Variants in DSG4 observed in about 807,000 individuals in gnomAD.
DSG4 encodes the protein desmoglein 4, also known as desmoglein-4.
DSG4 carries 87 observed loss-of-function variants against 93.1 expected under a neutral mutation model. That is an observed-to-expected ratio of 0.93 (90% CI 0.79 to 1.12). The LOEUF (loss-of-function observed/expected upper bound fraction) is 1.12, where lower values mean the gene tolerates loss of function less well. Ranked by LOEUF, DSG4 falls within the 50% of genes most tolerant of loss-of-function variation. The probability of loss-of-function intolerance (pLI) is 0.00; values close to 1 mark genes in which losing one functional copy is unlikely to be tolerated. For synonymous variants in DSG4, 432 were observed against 452.9 expected, an observed-to-expected ratio of 0.95 and a Z score of 0.59; for missense variants, 1,373 against 1,285.7, an observed-to-expected ratio of 1.07 and a Z score of -1.04.
Position 31,387,650 on chromosome 18 carries a change from G to C in DSG4, c.217-717G>C, listed in dbSNP as rs150010533. On this transcript the variant is annotated intron_variant, in intron 3 of 15. Coordinates refer to ENST00000308128, the MANE Select transcript of DSG4 (RefSeq NM_177986.5). ...TTTCTTCTATGTAAAAAGGGCCTTT[G>C]GATTAGAGTTAAGCTAACCAAAGTT... 5.9e-5 allele frequency among the ~76,000 whole-genome samples: 9 copies of C among 152,208 alleles called. No individual in the cohort carries two copies. The East Asian group carries it at 1.7e-3, about 29-fold the overall frequency.
In DSG4 at chr18:31,386,685, A is replaced by G. The variant is rs899875809; in HGVS notation, c.85-3A>G. 4 of 1,612,862 alleles carry G rather than the reference A, an allele frequency of 2.5e-6. No individual in the cohort carries two copies. In the African/African-American group the frequency reaches 5.3e-5, roughly 22 times the overall value. The stretch of plus-strand genomic sequence containing the variant: ...TAAGACACCTGAACCATTTTTGCTT[A>G]AGGTGAAGGAATTTGACATTGAAAA... On this transcript the variant is annotated splice_region_variant and splice_polypyrimidine_tract_variant and intron_variant, in intron 2 of 15. Transcript: ENST00000308128.
In DSG4 at chr18:31,391,118, G is replaced by A. The variant is rs750068426; in HGVS notation, c.725G>A (p.Arg242Gln). The change falls in exon 7 of 16, where the codon CGG becomes CAG. Residue 242 changes from arginine to glutamine, a missense_variant. Coordinates refer to ENST00000308128, the MANE Select transcript of DSG4 (RefSeq NM_177986.5). The stretch of plus-strand genomic sequence containing the variant: ...AACCTGGTTGTGAGAGGCTCAGATC[G>A]GGATGGAGCTGCAGATGGACTGTCT... ...MYNLVVRGSD[R>Q]DGAADGLSSE... 17 of 1,613,624 alleles carry A rather than the reference G, an allele frequency of 1.1e-5. No individual in the cohort carries two copies. Among genetic ancestry groups the A allele is most frequent in the East Asian group, 8.9e-5 (4 of 44,878 alleles).
Position 31,413,106 on chromosome 18 carries a change from T to C in DSG4, c.2634T>C (p.Asn878=). 1 of 1,614,164 alleles carries C rather than the reference T, an allele frequency of 6.2e-7. No individual in the cohort carries two copies. Residue 878 remains asparagine, a synonymous_variant, in exon 16 of 16, where the codon AAT becomes AAC. Coordinates refer to ENST00000308128, the MANE Select transcript of DSG4 (RefSeq NM_177986.5). ...LPLLGPNYFV[N]ESSGLTPSEV... Reference sequence around the variant, plus strand: ...TGCTCGGACCTAATTACTTTGTTAATGAATCTTCAGGATTGACTCCCTCAG... The same window carrying C: ...TGCTCGGACCTAATTACTTTGTTAACGAATCTTCAGGATTGACTCCCTCAG...
At chr18:31,384,228 A>G (rs1160801036) in intron 1 of DSG4, among the ~76,000 whole-genome samples, 1 of 152,160 alleles carries the variant, frequency 6.6e-6, no homozygotes, top group East Asian at 1.9e-4. Flanking sequence ...ATAAAGTTTT[A>G]CTTTTCATAT....
chr18:31,407,623 G>T (rs574169327), intron 12 of DSG4, among the ~76,000 whole-genome samples: 1 of 152,304 alleles, frequency 6.6e-6, no homozygotes, highest in South Asian at 2.1e-4. Context: ...TCAGGGATGA[G>T]CACTAATTAA....
chr18:31,412,787 GA>G (rs754354384), intron 15 of DSG4, 40 bp from the exon 16 acceptor site: 1 of 1,609,060 alleles, frequency 6.2e-7, no homozygotes, highest in East Asian at 2.2e-5. Context: ...TTATTTTAGG[GA>G]AAAAGAAATT....
In DSG4 at chr18:31,387,112, A is replaced by G. The variant is rs139797719; in HGVS notation, c.216+293A>G. ...TGCCTGTCAATGTCATAGGAAACGTATTCACATAGTGACAGTCTGAAGCCT... is the reference window on the plus strand; with the variant it reads ...TGCCTGTCAATGTCATAGGAAACGTGTTCACATAGTGACAGTCTGAAGCCT... On this transcript the variant is annotated intron_variant, in intron 3 of 15. Transcript: ENST00000308128. Among the ~76,000 whole-genome samples, 461 of 152,294 alleles carry G rather than the reference A, an allele frequency of 3.0e-3. 4 individuals are homozygous for G. Among genetic ancestry groups the G allele is most frequent in the African/African-American group, 0.01 (436 of 41,562 alleles).
chr18:31,381,156 A>C (rs2072129891), intron 1 of DSG4, among the ~76,000 whole-genome samples: 1 of 152,166 alleles, frequency 6.6e-6, no homozygotes, highest in Non-Finnish European at 1.5e-5. Context: ...TTTCTTACCA[A>C]GTCACTTAAT....
In DSG4 at chr18:31,413,417, C is replaced by T. The variant is rs140423185; in HGVS notation, c.2945C>T (p.Thr982Met). ...PGVPDMSNSSTTEGCMGPVMS... is the reference protein window; with the variant it reads ...PGVPDMSNSSMTEGCMGPVMS... ...GTGCCTGACATGAGCAATAGTAGCA[C>T]GACTGAGGGTTGTATGGGACCTGTG... The change falls in exon 16 of 16, where the codon ACG (threonine) becomes ATG (methionine). Residue 982 changes from threonine to methionine, a missense_variant. By Grantham distance (81) the Thr-to-Met change is moderately conservative. Coordinates refer to ENST00000308128, the MANE Select transcript of DSG4 (RefSeq NM_177986.5). The T allele has an allele frequency of 8.5e-5, 137 of 1,613,726 alleles. No homozygotes were observed. Among genetic ancestry groups the T allele is most frequent in the Non-Finnish European group, 1.1e-4 (131 of 1,179,864 alleles).
Position 31,376,952 on chromosome 18 carries a change from T to C in DSG4, c.41T>C (p.Ile14Thr), listed in dbSNP as rs1198327235. The C allele has an allele frequency of 6.2e-7, 1 of 1,613,450 alleles. No individual in the cohort carries two copies. The highest frequency in any genetic ancestry group is 8.5e-7 in the Non-Finnish European group (1 of 1,179,614). ...LFFRNICLLIILMVVMEVNSE... is the reference protein window; with the variant it reads ...LFFRNICLLITLMVVMEVNSE... ...TTCAGAAACATTTGCCTTTTGATCA[T>C]TCTAATGGTAAGTAGAATTTAAAGA... Residue 14 changes from isoleucine (I) to threonine (T), a missense_variant, in exon 1 of 16, where the codon ATT becomes ACT. Physicochemically the swap from Ile to Thr is moderately conservative, Grantham distance 89. Coordinates refer to ENST00000308128, the MANE Select transcript of DSG4 (RefSeq NM_177986.5).
At chr18:31,390,599 T>C in intron 5 of DSG4, 57 bp from the exon 6 acceptor site, 1 of 1,603,956 alleles carries the variant, frequency 6.2e-7, no homozygotes, top group South Asian at 1.1e-5. Context: ...TGCCTAATGA[T>C]TTGCTGAATT....
rs1328311860 is a variant in DSG4 at position 31,414,322 on chromosome 18, A to T, written c.*727A>T. The T allele has an allele frequency of 2.0e-5, 3 of 152,172 alleles. No individual in the cohort carries two copies. Among genetic ancestry groups the T allele is most frequent in the African/African-American group, 4.8e-5 (2 of 41,456 alleles). 9.4% of individuals were successfully genotyped at this position (152,172 alleles called of 1,614,324 possible). On this transcript the variant is annotated 3_prime_UTR_variant, in exon 16 of 16. Coordinates refer to ENST00000308128, the MANE Select transcript of DSG4 (RefSeq NM_177986.5). ...TGACAATCCTAAAGTAGAAAGAGTT[A>T]TTGGGGAAATATTAGAGTTTTCCCC... is the stretch of plus-strand genomic sequence containing the variant.
intron 15 of DSG4, among the ~76,000 whole-genome samples, 166 bp downstream of exon 15, chr18:31,411,614 AT>A (rs1038532251): frequency 1.3e-5 from 2 of 152,066 alleles, no homozygotes; most frequent in Non-Finnish European, 2.9e-5. Flanking sequence ...CAAAATGCTA[AT>A]TTGCCACAGG....
rs1397496648 is a variant in DSG4, at chr18:31,388,347, C to T, written c.217-20C>T. ...TATCTGCTCTAAACTGGATCACAAT[C>T]CTAGCTATTTTTCTTATAGATTCGA... On this transcript the variant is annotated intron_variant, in intron 3 of 15. Transcript: ENST00000308128. The T allele has an allele frequency of 1.2e-6, 2 of 1,612,126 alleles. No homozygotes were observed. The highest frequency in any genetic ancestry group is 4.5e-5 in the East Asian group (2 of 44,794).
At chr18:31,383,167 C>T (rs1454379351) in intron 1 of DSG4, among the ~76,000 whole-genome samples, 1 of 152,176 alleles carries the variant, frequency 6.6e-6, no homozygotes, top group African/African-American at 2.4e-5. Context: ...TTTGCTGTGC[C>T]TATCACTTCC....
chr18:31,410,486 C>CACAGAGTACATGCT (rs143147444), intron 14 of DSG4, among the ~76,000 whole-genome samples: 6,955 of 151,540 alleles, frequency 0.046, 491 homozygotes, highest in African/African-American at 0.16. Flanking sequence ...TAGTGCCTGG[C>CACAGAGTACATGCT]ACTGTAGTAA....
At position 31,413,191 on chromosome 18, in the gene DSG4, G is replaced by A. The variant is rs756452341; in HGVS notation, c.2719G>A (p.Val907Met). ...SEPVVHGDII[V>M]TETYGNADPC... is the part of the protein sequence containing the mutation. ...ACCCGTGGTCCATGGGGATATTATT[G>A]TGACTGAGACTTACGGTAATGCTGA... Residue 907 changes from valine (V) to methionine (M), a missense_variant, in exon 16 of 16, where the codon GTG (valine) becomes ATG (methionine). Coordinates refer to ENST00000308128, the MANE Select transcript of DSG4 (RefSeq NM_177986.5). 4.3e-6 allele frequency: 7 copies of A among 1,614,126 alleles called. No homozygotes were observed.
rs2072259470 is a variant in DSG4 at position 31,392,318 on chromosome 18, A to G, written c.983A>G (p.Glu328Gly). Residue 328 changes from glutamate (E) to glycine (G), a missense_variant, in exon 8 of 16, where the codon GAA becomes GGA. By Grantham distance (98) the Glu-to-Gly change is moderately conservative (BLOSUM62 -2). Coordinates refer to ENST00000308128, the MANE Select transcript of DSG4 (RefSeq NM_177986.5). ...FDIQTDPQTN[E>G]GILKVVKMLD... ...ATTCAAACAGATCCACAAACCAATG[A>G]AGGCATTTTGAAAGTTGTCAAGGTA... 2 of 1,613,608 alleles carry G rather than the reference A, an allele frequency of 1.2e-6. No homozygotes were observed. Among genetic ancestry groups the G allele is most frequent in the Non-Finnish European group, 1.7e-6 (2 of 1,179,808 alleles).
intron 1 of DSG4, among the ~76,000 whole-genome samples, chr18:31,383,516 G>GT (rs1226302875): frequency 4.0e-5 from 6 of 151,862 alleles, no homozygotes; most frequent in East Asian, 1.9e-4. Flanking sequence ...TAAAACTAGA[G>GT]TTTTTTATCT....
Sources: gnomAD v4.1 joint callset for allele counts (sites outside exome capture counted in the v4.1 genomes callset) on GRCh38, gnomAD v4.1.1 for gene constraint, MANE v1.5 for transcripts, NCBI Gene and HGNC (gene_info 2026-07-23, HGNC 2026-07-21) for gene names.